Variants in NKAIN2 observed in about 807,000 individuals in gnomAD.
NKAIN2 encodes sodium/potassium transporting ATPase interacting 2.
In NKAIN2, 14 loss-of-function variants were observed where a neutral mutation model predicts 32.6. The ratio of observed to expected loss-of-function variants is 0.43; its 90% CI spans 0.28 to 0.67. The LOEUF is 0.67. NKAIN2 is among the 30% of genes least tolerant of loss of function. The pLI is 0.17. For missense variants in NKAIN2, 198 were observed against 258.3 expected, an observed-to-expected ratio of 0.77 and a Z score of 1.60; for synonymous variants, 80 against 87.2, an observed-to-expected ratio of 0.92 and a Z score of 0.46.
At chr6:123,960,536 A>C (rs1419062722) in intron 1 of NKAIN2, among the ~76,000 whole-genome samples, 4 of 151,730 alleles carry the variant, frequency 2.6e-5, no homozygotes, top group African/African-American at 9.7e-5. Flanking sequence ...TCCTTGAGCC[A>C]TTCTTGAAGG....
intron 1 of NKAIN2, among the ~76,000 whole-genome samples, chr6:123,840,072 A>C (rs1774803812): frequency 6.6e-6 from 1 of 152,118 alleles, no homozygotes; most frequent in Admixed American, 6.6e-5. Flanking sequence ...AATAATAATC[A>C]CCTTGAAAGC....
intron 4 of NKAIN2, among the ~76,000 whole-genome samples, chr6:124,723,317 A>G (rs1210277148): frequency 1.3e-5 from 2 of 152,232 alleles, no homozygotes; most frequent in Admixed American, 6.5e-5. Flanking sequence ...GAACGTTACC[A>G]TTATCATCAC....
intron 3 of NKAIN2, among the ~76,000 whole-genome samples, chr6:124,573,670 C>A (rs1274422153): frequency 6.6e-6 from 1 of 152,142 alleles, no homozygotes; most frequent in Non-Finnish European, 1.5e-5. Flanking sequence ...GCGCAGCCCC[C>A]ACTTTCAGAT....
At chr6:124,660,156 G>T (rs1315873779) in intron 4 of NKAIN2, among the ~76,000 whole-genome samples, 1 of 152,100 alleles carries the variant, frequency 6.6e-6, no homozygotes, top group Non-Finnish European at 1.5e-5. Flanking sequence ...GTATTAAAAG[G>T]AGGTTTTAAA....
At chr6:124,492,588 A>G (rs1777907435) in intron 3 of NKAIN2, among the ~76,000 whole-genome samples, 1 of 151,956 alleles carries the variant, frequency 6.6e-6, no homozygotes, top group African/African-American at 2.4e-5. Context: ...TAGATAATTT[A>G]TAACTGATAA....
At chr6:123,812,300 C>A (rs9490938) in intron 1 of NKAIN2, among the ~76,000 whole-genome samples, 48,460 of 152,054 alleles carry the variant, frequency 0.32, 11,974 homozygotes, top group African/African-American at 0.68. Flanking sequence ...TGATTGCCTA[C>A]ACAATATTTA....
At chr6:124,042,480 T>A (rs906632624) in intron 1 of NKAIN2, among the ~76,000 whole-genome samples, 3 of 152,030 alleles carry the variant, frequency 2.0e-5, no homozygotes, top group African/African-American at 7.2e-5. Context: ...CTTATTCTAC[T>A]CCTTACAGAA....
chr6:124,822,277 C>T (rs1222986648), intron 6 of NKAIN2, among the ~76,000 whole-genome samples: 1 of 152,148 alleles, frequency 6.6e-6, no homozygotes, highest in African/African-American at 2.4e-5. Context: ...AACTTAGCAT[C>T]TCCTATGTCT....
intron 4 of NKAIN2, among the ~76,000 whole-genome samples, chr6:124,670,648 T>G (rs1773054506): frequency 1.0e-5 from 1 of 98,032 alleles, no homozygotes; most frequent in Admixed American, 1.2e-4. Context: ...TTGCTTTCTG[T>G]GTGTGTGTGT....
At position 124,001,831 on chromosome 6, in the gene NKAIN2, A is replaced by ATG. The variant is rs1779888912; in HGVS notation, c.54+197578_54+197579dup. The stretch of plus-strand genomic sequence containing the variant: ...TATATATATATATATATATATATAT[A>ATG]TGCAAGCATAAATGTGCATTGCACA... On this transcript the variant is annotated intron_variant, in intron 1 of 6. Transcript: ENST00000368417. 1.4e-5 allele frequency among the ~76,000 whole-genome samples: 2 copies of ATG among 146,470 alleles called. 1 individual carries two copies. Among genetic ancestry groups the ATG allele is most frequent in the African/African-American group, 5.0e-5 (2 of 40,124 alleles).
chr6:124,171,995 G>A (rs1271548765), intron 1 of NKAIN2, among the ~76,000 whole-genome samples: 1 of 151,610 alleles, frequency 6.6e-6, no homozygotes, highest in African/African-American at 2.4e-5. Context: ...TGTATTTTTA[G>A]TAGAGACGGG....
chr6:124,614,047 T>C (rs1006405875), intron 3 of NKAIN2, among the ~76,000 whole-genome samples: 1 of 152,160 alleles, frequency 6.6e-6, no homozygotes, highest in Non-Finnish European at 1.5e-5. Flanking sequence ...CCTCAAGAAT[T>C]CATTGAATTA....
chr6:124,273,257 C>A (rs534821458), intron 1 of NKAIN2, among the ~76,000 whole-genome samples: 1 of 152,080 alleles, frequency 6.6e-6, no homozygotes, highest in South Asian at 2.1e-4. Context: ...TTGGTGGGGT[C>A]GATTGGATCC....
intron 3 of NKAIN2, among the ~76,000 whole-genome samples, chr6:124,395,848 G>A (rs1406643817): frequency 6.6e-6 from 1 of 151,996 alleles, no homozygotes; most frequent in African/African-American, 2.4e-5. Flanking sequence ...TGAAAATATT[G>A]TTATATGTCC....
At chr6:124,138,658 G>T (rs1270526197) in intron 1 of NKAIN2, among the ~76,000 whole-genome samples, 1 of 77,564 alleles carries the variant, frequency 1.3e-5, no homozygotes, top group East Asian at 4.4e-4. Flanking sequence ...TAATAATTAT[G>T]TTATATTATT....
chr6:124,329,014 A>G (rs1797541748), intron 2 of NKAIN2, among the ~76,000 whole-genome samples: 1 of 152,158 alleles, frequency 6.6e-6, no homozygotes, highest in African/African-American at 2.4e-5. Flanking sequence ...AATATACAAG[A>G]TTAGAGAGTA....
intron 1 of NKAIN2, among the ~76,000 whole-genome samples, chr6:124,088,385 A>C (rs954105272): frequency 6.6e-6 from 1 of 151,990 alleles, no homozygotes; most frequent in Non-Finnish European, 1.5e-5. Flanking sequence ...CTCCAGCCCA[A>C]CCAACAGAGT....
intron 5 of NKAIN2, among the ~76,000 whole-genome samples, chr6:124,795,175 C>T (rs1156547447): frequency 6.6e-6 from 1 of 152,146 alleles, no homozygotes; most frequent in Non-Finnish European, 1.5e-5. Context: ...TTATGAGGAA[C>T]AGCGGACAGT....
chr6:123,958,295 A>G (rs1487027584), intron 1 of NKAIN2, among the ~76,000 whole-genome samples: 1 of 152,254 alleles, frequency 6.6e-6, no homozygotes, highest in African/African-American at 2.4e-5. Context: ...AGGTTTACCA[A>G]ATCTGAAACC....
Sources: gnomAD v4.1 joint callset for allele counts (sites outside exome capture counted in the v4.1 genomes callset) on GRCh38, gnomAD v4.1.1 for gene constraint, MANE v1.5 for transcripts, NCBI Gene and HGNC (gene_info 2026-07-23, HGNC 2026-07-21) for gene names.